The following RFX7 variants were observed in gnomAD, a reference collection of about 807,000 sequenced individuals.
The protein encoded by RFX7 is regulatory factor X7.
A neutral mutation model predicts 111.8 loss-of-function variants in RFX7; 26 were observed. The observed-to-expected ratio is 0.23, with a 90% CI of 0.17 to 0.32. The LOEUF is 0.32. Ranked by LOEUF, RFX7 falls within the 10% of genes least tolerant of loss-of-function variation. RFX7 has a pLI of 1.00. For missense variants in RFX7, 1,573 were observed against 1,772.9 expected (o/e 0.89, Z 2.02); for synonymous variants, 624 against 624.4 (o/e 1.00, Z 0.01).
intron 5 of RFX7, among the ~76,000 whole-genome samples, chr15:56,136,183 T>A (rs1410311449): frequency 1.3e-5 from 2 of 151,508 alleles, no homozygotes; most frequent in Non-Finnish European, 2.9e-5. Flanking sequence ...GGGGATGGCA[T>A]TGAATCTGTA....
intron 5 of RFX7, among the ~76,000 whole-genome samples, chr15:56,113,230 T>C (rs1474486115): frequency 6.6e-6 from 1 of 152,120 alleles, no homozygotes; most frequent in Non-Finnish European, 1.5e-5. Flanking sequence ...CTATTCACAA[T>C]AGCAAAAACA....
intron 3 of RFX7, among the ~76,000 whole-genome samples, chr15:56,173,019 G>A (rs547080875): frequency 2.0e-5 from 3 of 152,230 alleles, no homozygotes; most frequent in African/African-American, 7.2e-5. Context: ...CAAATGAGAC[G>A]ATTCTATCTG....
chr15:56,215,610 T>C (rs1490091848), intron 2 of RFX7, among the ~76,000 whole-genome samples: 1 of 152,172 alleles, frequency 6.6e-6, no homozygotes, highest in Non-Finnish European at 1.5e-5. Flanking sequence ...TTGTTTTAGA[T>C]TTTCTGTTCC....
At chr15:56,156,367 A>C (rs2042652662) in intron 3 of RFX7, among the ~76,000 whole-genome samples, 1 of 152,134 alleles carries the variant, frequency 6.6e-6, no homozygotes, top group African/African-American at 2.4e-5. Flanking sequence ...CCACATTTAC[A>C]AGATGCTAAC....
At chr15:56,177,241 T>C (rs1321409152) in intron 3 of RFX7, among the ~76,000 whole-genome samples, 6 of 152,172 alleles carry the variant, frequency 3.9e-5, no homozygotes, top group African/African-American at 1.4e-4. Context: ...GGCACTCAAA[T>C]GTCATCTCCT....
At chr15:56,177,093 C>T (rs889167167) in intron 3 of RFX7, among the ~76,000 whole-genome samples, 5 of 152,158 alleles carry the variant, frequency 3.3e-5, no homozygotes. Flanking sequence ...TCCGTAAGTT[C>T]CAGCATACTG....
intron 2 of RFX7, among the ~76,000 whole-genome samples, chr15:56,222,482 A>G (rs569380461): frequency 1.3e-5 from 2 of 152,260 alleles, no homozygotes; most frequent in South Asian, 2.1e-4. Flanking sequence ...TGGGACTCCA[A>G]TTACACATAT....
intron 2 of RFX7, among the ~76,000 whole-genome samples, chr15:56,187,480 T>C (rs1419551893): frequency 3.9e-5 from 6 of 152,064 alleles, no homozygotes; most frequent in South Asian, 4.1e-4. Context: ...CAAAGTGCAC[T>C]AGTAGAATTT....
chr15:56,129,541 T>C (rs560488802), intron 5 of RFX7, among the ~76,000 whole-genome samples: 21 of 152,322 alleles, frequency 1.4e-4, no homozygotes, highest in African/African-American at 5.1e-4. Flanking sequence ...CTGTTGAACC[T>C]ATGTGAAGCA....
At chr15:56,229,334 C>T (rs764978759) in intron 2 of RFX7, among the ~76,000 whole-genome samples, 57 of 152,184 alleles carry the variant, frequency 3.7e-4, no homozygotes, top group Non-Finnish European at 6.2e-4. Context: ...GGCAGGATCT[C>T]GGCTCACTGC....
At chr15:56,114,616 C>CT (rs1281236852) in intron 5 of RFX7, among the ~76,000 whole-genome samples, 10 of 151,458 alleles carry the variant, frequency 6.6e-5, no homozygotes, top group African/African-American at 1.2e-4. Context: ...ATTGATAATG[C>CT]TTTTTTTTGT....
intron 3 of RFX7, among the ~76,000 whole-genome samples, chr15:56,146,196 C>G (rs1021483494): frequency 6.6e-6 from 1 of 152,048 alleles, no homozygotes; most frequent in Non-Finnish European, 1.5e-5. Flanking sequence ...CTCCTGGGCT[C>G]AACTGATCAT....
At chr15:56,229,326 C>A (rs1203785286) in intron 2 of RFX7, among the ~76,000 whole-genome samples, 1 of 152,078 alleles carries the variant, frequency 6.6e-6, no homozygotes, top group African/African-American at 2.4e-5. Context: ...AGTGCAGTGG[C>A]AGGATCTCGG....
intron 5 of RFX7, among the ~76,000 whole-genome samples, chr15:56,104,267 A>G (rs1367997097): frequency 6.6e-6 from 1 of 152,214 alleles, no homozygotes; most frequent in African/African-American, 2.4e-5. Flanking sequence ...GTAAGACAGT[A>G]ACTTCAAGTG....
intron 2 of RFX7, chr15:56,192,241 G>A (rs2043107784): frequency 1.3e-5 from 2 of 156,062 alleles, no homozygotes; most frequent in African/African-American, 4.8e-5. Flanking sequence ...CAAATAGACT[G>A]TGCTGTGTGA....
chr15:56,121,449 A>G (rs1202703688), intron 5 of RFX7, among the ~76,000 whole-genome samples: 1 of 152,176 alleles, frequency 6.6e-6, no homozygotes, highest in Non-Finnish European at 1.5e-5. Context: ...GGCAAGAGAT[A>G]GGGGTCTATC....
intron 2 of RFX7, among the ~76,000 whole-genome samples, chr15:56,191,081 A>T (rs1179046318): frequency 6.6e-6 from 1 of 152,204 alleles, no homozygotes; most frequent in African/African-American, 2.4e-5. Context: ...TTTCACCATC[A>T]GTAGGGCTCC....
At chr15:56,156,887 G>A (rs1468148774) in intron 3 of RFX7, among the ~76,000 whole-genome samples, 1 of 152,164 alleles carries the variant, frequency 6.6e-6, no homozygotes, top group Non-Finnish European at 1.5e-5. Flanking sequence ...GATTCACTTA[G>A]TGAGCTTGTT....
At chr15:56,114,277 G>C (rs535713523) in intron 5 of RFX7, among the ~76,000 whole-genome samples, 6 of 151,846 alleles carry the variant, frequency 4.0e-5, no homozygotes, top group African/African-American at 9.7e-5. Flanking sequence ...TGGGCATGGT[G>C]GTGGGCGCCT....
Sources: gnomAD v4.1 joint callset for allele counts (sites outside exome capture counted in the v4.1 genomes callset) on GRCh38, gnomAD v4.1.1 for gene constraint, MANE v1.5 for transcripts, NCBI Gene and HGNC (gene_info 2026-07-23, HGNC 2026-07-21) for gene names.